STK10: variants seen among roughly 807,000 people sequenced by gnomAD.
STK10 encodes the protein serine/threonine kinase 10, also known as serine/threonine-protein kinase 10.
In STK10, 78 loss-of-function variants were observed where a neutral mutation model predicts 113.8. The observed-to-expected ratio is 0.69, with a 90% CI of 0.57 to 0.83. The LOEUF (loss-of-function observed/expected upper bound fraction) is 0.83. Among genes scored for constraint, STK10 ranks in the 40% least tolerant of loss-of-function variants. STK10 has a pLI of 0.00. For synonymous variants in STK10, 465 were observed against 494.7 expected (o/e 0.94, Z 0.80); for missense variants, 1,109 against 1,280.1 (o/e 0.87, Z 2.04).
intron 10 of STK10, among the ~76,000 whole-genome samples, chr5:172,085,727 T>C (rs1768540648): frequency 2.7e-5 from 4 of 150,884 alleles, no homozygotes; most frequent in Admixed American, 2.6e-4. Flanking sequence ...CTACATATCA[T>C]TCATATAATC....
chr5:172,113,563 T>A (rs1581162853), intron 4 of STK10, among the ~76,000 whole-genome samples: 1 of 152,220 alleles, frequency 6.6e-6, no homozygotes, highest in East Asian at 1.9e-4. Context: ...TGATATTCAA[T>A]GTTAAAAACC....
Position 172,044,832 on chromosome 5 carries a change from G to A in STK10, c.*50C>T, listed in dbSNP as rs879931784. On this transcript the variant is annotated 3_prime_UTR_variant, in exon 19 of 19. Transcript: ENST00000176763. This position sits in a 1 kb window ranked among gnomAD's most constrained non-coding sequence, Gnocchi z 4.5. ...AGTTACATGTTCACAGAGAATGAAG[G>A]AGAAGGCCCTGGGGCCCACCAAGCT... 10 of 1,613,242 alleles carry A rather than the reference G, an allele frequency of 6.2e-6. No individual in the cohort carries two copies. Among genetic ancestry groups the A allele is most frequent in the African/African-American group, 1.3e-5 (1 of 74,934 alleles).
Position 172,131,032 on chromosome 5 carries a change from G to GTTTTT in STK10, c.322-3616_322-3612dup, listed in dbSNP as rs773484183. On this transcript the variant is annotated intron_variant, in intron 2 of 18. Transcript: ENST00000176763. ...AAAAGTTATGGACATGCCATCAGCT[G>GTTTTT]TTTTTTTTTTTTTTTTTTTTTGACA... Among the ~76,000 whole-genome samples the GTTTTT allele has an allele frequency of 1.6e-4, 17 of 109,520 alleles. 1 individual carries two copies. Among genetic ancestry groups the GTTTTT allele is most frequent in the African/African-American group, 2.6e-4 (7 of 26,974 alleles). 71.8% of individuals were successfully genotyped at this position (109,520 alleles called of 152,430 possible). A position where few individuals can be genotyped will look rare whatever the true frequency, so the allele number is the denominator to read the frequency against.
At chr5:172,062,785 T>A (rs1767962894) in intron 13 of STK10, among the ~76,000 whole-genome samples, 1 of 152,168 alleles carries the variant, frequency 6.6e-6, no homozygotes. Context: ...GAGTTTCAGT[T>A]TTACAAGACA....
intron 4 of STK10, among the ~76,000 whole-genome samples, chr5:172,116,454 C>A (rs1226791432): frequency 6.6e-6 from 1 of 152,094 alleles, no homozygotes; most frequent in Non-Finnish European, 1.5e-5. Context: ...GAGAAGAGCT[C>A]AAAGCGCTTG....
Position 172,187,769 on chromosome 5 carries a change from C to A in STK10, c.156+118G>T. 2 of 1,448,446 alleles carry A rather than the reference C, an allele frequency of 1.4e-6. No individual in the cohort carries two copies. The highest frequency in any genetic ancestry group is 9.3e-7 in the Non-Finnish European group (1 of 1,078,212). 89.7% of individuals were successfully genotyped at this position (1,448,446 alleles called of 1,614,324 possible). On this transcript the variant is annotated intron_variant, in intron 1 of 18. Coordinates refer to ENST00000176763, the MANE Select transcript of STK10 (RefSeq NM_005990.4). The surrounding 1 kb of genome is among the most constrained non-coding windows in gnomAD (Gnocchi z 4.6). ...TCATCGGGATGAGGGCCAGGGACCCCGAATTCAGCGCCGGGCAGCCCTCGG... is the reference window on the plus strand; with the variant it reads ...TCATCGGGATGAGGGCCAGGGACCCAGAATTCAGCGCCGGGCAGCCCTCGG...
chr5:172,048,414 T>TCTCCCTACACACACAC (rs1554114845), intron 18 of STK10, among the ~76,000 whole-genome samples: 20 of 128,480 alleles, frequency 1.6e-4, no homozygotes, highest in Non-Finnish European at 2.9e-4. Flanking sequence ...TCCCTCTCCC[T>TCTCCCTACACACACAC]ACACACACAC....
chr5:172,076,013 A>AT (rs1768296392), intron 12 of STK10, among the ~76,000 whole-genome samples: 1 of 149,452 alleles, frequency 6.7e-6, no homozygotes, highest in South Asian at 2.1e-4. Flanking sequence ...TCTTGGATTT[A>AT]TTTTTTTCAT....
chr5:172,153,673 C>G (rs1005384514), intron 2 of STK10, among the ~76,000 whole-genome samples: 2 of 152,222 alleles, frequency 1.3e-5, no homozygotes, highest in Non-Finnish European at 2.9e-5. Flanking sequence ...AAGATATCCA[C>G]ATGGAAAAGT....
intron 18 of STK10, among the ~76,000 whole-genome samples, chr5:172,048,499 T>C (rs1767548415): frequency 6.8e-6 from 1 of 147,456 alleles, no homozygotes; most frequent in South Asian, 2.2e-4. Context: ...TCCAGACTAA[T>C]ACGGCCCAGA....
Position 172,082,497 on chromosome 5 carries a change from C to T in STK10, c.1818G>A (p.Lys606=), listed in dbSNP as rs1768456335. Residue 606 remains lysine, a synonymous_variant, in exon 12 of 19, where the codon AAG becomes AAA. Coordinates refer to ENST00000176763, the MANE Select transcript of STK10 (RefSeq NM_005990.4). This position sits in a 1 kb window ranked among gnomAD's most constrained non-coding sequence, Gnocchi z 4.3. ...KRFEQEINAK[K]KFFDTELENL... is the part of the protein sequence containing the mutation. ...TCTCTAATTCCGTGTCAAAGAACTT[C>T]TTCTTGGCCTGAAAGGAGCAGAAAT... 6.3e-7 allele frequency: 1 copy of T among 1,587,914 alleles called. No homozygotes were observed. Among genetic ancestry groups the T allele is most frequent in the Non-Finnish European group, 8.5e-7 (1 of 1,170,342 alleles).
Position 172,044,662 on chromosome 5 carries a change from A to G in STK10, c.*220T>C. On this transcript the variant is annotated 3_prime_UTR_variant, in exon 19 of 19. Transcript: ENST00000176763. The surrounding 1 kb of genome is among the most constrained non-coding windows in gnomAD (Gnocchi z 4.5). ...CTCAAGGAGAATATACATTAGGTTCAGGTGACAAATAATTACACCTCACCC... is the reference window on the plus strand; with the variant it reads ...CTCAAGGAGAATATACATTAGGTTCGGGTGACAAATAATTACACCTCACCC... 1.5e-6 allele frequency: 1 copy of G among 649,772 alleles called. No individual in the cohort carries two copies. The highest frequency in any genetic ancestry group is 1.9e-5 in the South Asian group (1 of 52,636). 40.3% of individuals were successfully genotyped at this position (649,772 alleles called of 1,614,324 possible).
intron 18 of STK10, among the ~76,000 whole-genome samples, chr5:172,049,036 T>A (rs1287036937): frequency 6.6e-6 from 1 of 152,108 alleles, no homozygotes; most frequent in African/African-American, 2.4e-5. Context: ...TGTCATCTTC[T>A]TAGACGACAT....
At chr5:172,066,757 A>G (rs549315112) in intron 12 of STK10, among the ~76,000 whole-genome samples, 131 of 152,358 alleles carry the variant, frequency 8.6e-4, no homozygotes, top group African/African-American at 3.1e-3. Context: ...TTGAACTTCC[A>G]GCCTGAGGGA....
At chr5:172,087,107 A>AGTGTGTGTGTGTGTGTGTGTGTGTGTGT (rs201052929) in intron 10 of STK10, among the ~76,000 whole-genome samples, 44 of 128,940 alleles carry the variant, frequency 3.4e-4, no homozygotes, top group African/African-American at 7.1e-4. Flanking sequence ...AGATGACACC[A>AGTGTGTGTGTGTGTGTGTGTGTGTGTGT]GTGTGTGTGT....
intron 3 of STK10, among the ~76,000 whole-genome samples, chr5:172,118,417 T>C (rs537857775): frequency 2.0e-5 from 3 of 152,140 alleles, no homozygotes; most frequent in Admixed American, 2.0e-4. Flanking sequence ...GGTGCAGGCA[T>C]GTGGGATGTC....
Position 172,162,781 on chromosome 5 carries a change from C to A in STK10, c.157-5993G>T, listed in dbSNP as rs1285843291. ...CAGTCCTGAAAGCTGGCAAAGAAGG[C>A]CGCATGTCACCTTTACCTGGGTTTC... On this transcript the variant is annotated intron_variant, in intron 1 of 18. Transcript: ENST00000176763. Among the ~76,000 whole-genome samples, 6 of 152,204 alleles carry A rather than the reference C, an allele frequency of 3.9e-5. No individual in the cohort carries two copies. In the East Asian group the frequency reaches 1.2e-3, roughly 29 times the overall value.
chr5:172,119,076 C>T (rs953680958), intron 3 of STK10, among the ~76,000 whole-genome samples: 9 of 151,866 alleles, frequency 5.9e-5, no homozygotes, highest in Non-Finnish European at 1.2e-4. Context: ...GCCTTTTGTT[C>T]TTTATGGGGA....
intron 1 of STK10, among the ~76,000 whole-genome samples, chr5:172,162,089 C>T (rs1770482853): frequency 6.6e-6 from 1 of 152,142 alleles, no homozygotes; most frequent in African/African-American, 2.4e-5. Flanking sequence ...GATTGTAATC[C>T]CAGCACTTTG....
Sources: allele counts gnomAD v4.1 joint callset (sites outside exome capture counted in the v4.1 genomes callset), GRCh38; gene constraint gnomAD v4.1.1; non-coding constraint Gnocchi (gnomAD v3.1); transcripts MANE v1.5; gene names NCBI Gene and HGNC (gene_info 2026-07-23, HGNC 2026-07-21).